ENTREP2: variants seen among roughly 807,000 people sequenced by gnomAD.
The protein encoded by ENTREP2 is endosomal transmembrane epsin interactor 2.
chr15:29,598,699 CTTTTTTT>C, the ENTREP2 span, among the ~76,000 whole-genome samples: 2 of 45,108 alleles, frequency 4.4e-5, no homozygotes, highest in Non-Finnish European at 6.8e-5. Context: ...TTCTTTCTTT[CTTTTTTT>C]CTTTTTTTGA....
chr15:29,250,828 A>G, the ENTREP2 span, among the ~76,000 whole-genome samples: 999 of 152,282 alleles, frequency 6.6e-3, 14 homozygotes, highest in Admixed American at 0.041. Flanking sequence ...GGTTGTGTCA[A>G]TTGTCAATCT....
the ENTREP2 span, among the ~76,000 whole-genome samples, chr15:29,417,411 C>G: frequency 3.9e-5 from 6 of 152,088 alleles, no homozygotes; most frequent in Admixed American, 3.9e-4. Flanking sequence ...AACCAAACAC[C>G]GCATGTTCTC....
the ENTREP2 span, among the ~76,000 whole-genome samples, chr15:29,432,360 G>C: frequency 6.6e-6 from 1 of 152,178 alleles, no homozygotes; most frequent in South Asian, 2.1e-4. Flanking sequence ...TTGAGCATGG[G>C]TCTGTACTGC....
the ENTREP2 span, among the ~76,000 whole-genome samples, chr15:29,232,487 G>A: frequency 1.4e-5 from 2 of 144,992 alleles, no homozygotes; most frequent in Admixed American, 1.3e-4. Context: ...TTAAAGAGAT[G>A]GGGGGTCTCA....
the ENTREP2 span, among the ~76,000 whole-genome samples, chr15:29,511,301 C>T: frequency 1.5e-3 from 235 of 152,064 alleles, 2 homozygotes; most frequent in African/African-American, 5.4e-3. Flanking sequence ...CTCCTTATAT[C>T]CAGAGTGTCA....
the ENTREP2 span, chr15:29,124,736 C>G: frequency 1.9e-6 from 3 of 1,550,680 alleles, no homozygotes; most frequent in South Asian, 1.2e-5. Context: ...CCTGGCTACA[C>G]GACGGCCTGT....
At chr15:29,557,130 A>G in the ENTREP2 span, among the ~76,000 whole-genome samples, 4 of 152,210 alleles carry the variant, frequency 2.6e-5, no homozygotes, top group Non-Finnish European at 5.9e-5. Context: ...TATCTAGAAC[A>G]GCCCCTCACC....
the ENTREP2 span, among the ~76,000 whole-genome samples, chr15:29,532,616 T>G: frequency 6.6e-6 from 1 of 152,274 alleles, no homozygotes; most frequent in East Asian, 1.9e-4. Context: ...AAAATCTCAC[T>G]TTGATAAATG....
the ENTREP2 span, among the ~76,000 whole-genome samples, chr15:29,333,907 C>T: frequency 6.6e-6 from 1 of 151,622 alleles, no homozygotes; most frequent in East Asian, 1.9e-4. Flanking sequence ...GAGGAGAACG[C>T]CATGTGAATA....
chr15:29,332,998 A>G, the ENTREP2 span, among the ~76,000 whole-genome samples: 1 of 151,786 alleles, frequency 6.6e-6, no homozygotes, highest in African/African-American at 2.4e-5. Flanking sequence ...CTCGGACTTT[A>G]AGCATGAGTC....
the ENTREP2 span, among the ~76,000 whole-genome samples, chr15:29,386,731 T>C: frequency 6.6e-6 from 1 of 152,210 alleles, no homozygotes. Context: ...CTGGTAGCTC[T>C]ACACGAGGAG....
chr15:29,560,176 G>A, the ENTREP2 span, among the ~76,000 whole-genome samples: 3 of 152,162 alleles, frequency 2.0e-5, no homozygotes, highest in East Asian at 1.9e-4. Context: ...AAGAGGCTAC[G>A]TTAGGAAGGA....
chr15:29,638,516 T>A, the ENTREP2 span, among the ~76,000 whole-genome samples: 1 of 152,204 alleles, frequency 6.6e-6, no homozygotes, highest in Non-Finnish European at 1.5e-5. Flanking sequence ...TTCAGTCACA[T>A]TGTGCTCACT....
chr15:29,388,219 A>T, the ENTREP2 span, among the ~76,000 whole-genome samples: 1 of 152,346 alleles, frequency 6.6e-6, no homozygotes, highest in African/African-American at 2.4e-5. Flanking sequence ...CAATCTACTC[A>T]TCTGCCAAAG....
the ENTREP2 span, among the ~76,000 whole-genome samples, chr15:29,282,378 T>G: frequency 6.6e-6 from 1 of 152,138 alleles, no homozygotes; most frequent in Non-Finnish European, 1.5e-5. Flanking sequence ...AAACTGTGAG[T>G]CCATTAAACC....
chr15:29,542,668 T>C, the ENTREP2 span, among the ~76,000 whole-genome samples: 1 of 152,154 alleles, frequency 6.6e-6, no homozygotes, highest in South Asian at 2.1e-4. Flanking sequence ...TGTGCAACCA[T>C]CACCACCAAA....
the ENTREP2 span, among the ~76,000 whole-genome samples, chr15:29,450,745 A>G: frequency 6.6e-6 from 1 of 152,250 alleles, no homozygotes; most frequent in Non-Finnish European, 1.5e-5. Context: ...CTGGGTAAAG[A>G]AAATGTGGTA....
At chr15:29,194,183 C>T in the ENTREP2 span, among the ~76,000 whole-genome samples, 1 of 152,186 alleles carries the variant, frequency 6.6e-6, no homozygotes, top group African/African-American at 2.4e-5. Flanking sequence ...CAAAATTGGA[C>T]GACAGCAATA....
chr15:29,269,683 C>A, the ENTREP2 span: 1 of 1,551,570 alleles, frequency 6.4e-7, no homozygotes, highest in Admixed American at 2.0e-5. Flanking sequence ...AGAGCGGCCC[C>A]GGTTCCTCGG....
Sources: allele counts gnomAD v4.1 joint callset (sites outside exome capture counted in the v4.1 genomes callset), GRCh38; gene constraint gnomAD v4.1.1; transcripts MANE v1.5; gene names NCBI Gene and HGNC (gene_info 2026-07-23, HGNC 2026-07-21).